The following AFF3 variants were observed in gnomAD, a reference collection of about 807,000 sequenced individuals.
The protein encoded by AFF3 is ALF transcription elongation factor 3, also known as AF4/FMR2 family member 3.
Under a neutral mutation model 129.7 loss-of-function variants are expected in AFF3, and 32 were observed. That is an observed-to-expected ratio of 0.25 (90% confidence interval 0.19 to 0.33). The LOEUF is 0.33. AFF3 is among the 10% of genes least tolerant of loss of function. AFF3 has a pLI of 1.00. For missense variants in AFF3, 1,373 were observed against 1,592.0 expected (o/e 0.86, Z 2.34); for synonymous variants, 644 against 635.4 (o/e 1.01, Z -0.20).
intron 12 of AFF3, among the ~76,000 whole-genome samples, chr2:99,664,969 T>C (rs1284331040): frequency 2.0e-5 from 3 of 152,020 alleles, no homozygotes; most frequent in African/African-American, 7.3e-5. Flanking sequence ...CCTGAGGAAG[T>C]GAAAGTTATG....
In AFF3 at chr2:100,070,199, T is replaced by C. The variant is rs960080951; in HGVS notation, c.53+34203A>G. Among the ~76,000 whole-genome samples, 76 of 121,316 alleles carry C rather than the reference T, an allele frequency of 6.3e-4. 1 individual carries two copies. Among genetic ancestry groups the C allele is most frequent in the East Asian group, 2.8e-3 (13 of 4,678 alleles). 79.6% of individuals were successfully genotyped at this position (121,316 alleles called of 152,430 possible). Reference sequence around the variant, plus strand: ...TGCAAGTTATTAGACTGTTTCTGTTTGGGTGGTTTTATAAAAAAAAAAACT... The same window carrying C: ...TGCAAGTTATTAGACTGTTTCTGTTCGGGTGGTTTTATAAAAAAAAAAACT... On this transcript the variant is annotated intron_variant, in intron 4 of 24. Coordinates refer to ENST00000672756, the MANE Select transcript of AFF3 (RefSeq NM_001386135.1).
At chr2:99,700,426 C>T (rs1386630640) in intron 11 of AFF3, among the ~76,000 whole-genome samples, 2 of 152,212 alleles carry the variant, frequency 1.3e-5, no homozygotes, top group Admixed American at 6.5e-5. Flanking sequence ...GCCAAAGCCT[C>T]TGTTTTATTG....
intron 7 of AFF3, among the ~76,000 whole-genome samples, chr2:99,837,759 C>T (rs750772742): frequency 6.6e-6 from 1 of 152,066 alleles, no homozygotes; most frequent in Non-Finnish European, 1.5e-5. Context: ...AGAGGCTCAA[C>T]TGTGGCCCCT....
chr2:100,038,648 A>G (rs1685172573), intron 4 of AFF3, among the ~76,000 whole-genome samples: 1 of 152,156 alleles, frequency 6.6e-6, no homozygotes, highest in African/African-American at 2.4e-5. Context: ...AGTCTGCCAC[A>G]TAACGAAGCA....
intron 8 of AFF3, among the ~76,000 whole-genome samples, chr2:99,787,326 G>T (rs1575982725): frequency 6.6e-6 from 1 of 152,070 alleles, no homozygotes; most frequent in South Asian, 2.1e-4. Context: ...AAGCAGAAAT[G>T]GTCAAGGTGC....
intron 4 of AFF3, among the ~76,000 whole-genome samples, chr2:100,093,163 G>C (rs1197034626): frequency 1.3e-5 from 2 of 151,488 alleles, no homozygotes; most frequent in African/African-American, 2.4e-5. Context: ...CTGGAGTGCA[G>C]TGGTGCAATC....
At chr2:99,833,162 G>A (rs1434594199) in intron 8 of AFF3, among the ~76,000 whole-genome samples, 1 of 152,160 alleles carries the variant, frequency 6.6e-6, no homozygotes, top group East Asian at 1.9e-4. Context: ...CATGTGAGGG[G>A]CTATCATGAT....
intron 11 of AFF3, among the ~76,000 whole-genome samples, chr2:99,722,292 C>T (rs746168034): frequency 1.9e-4 from 29 of 152,168 alleles, no homozygotes; most frequent in Non-Finnish European, 3.5e-4. Flanking sequence ...TTTTCCCACT[C>T]ATATGTCTTT....
At chr2:99,797,268 G>A (rs1329766366) in intron 8 of AFF3, among the ~76,000 whole-genome samples, 1 of 152,098 alleles carries the variant, frequency 6.6e-6, no homozygotes, top group Non-Finnish European at 1.5e-5. Context: ...CCCAAACTGA[G>A]TTTTCATCTA....
chr2:100,116,106 A>G (rs900854678), intron 2 of AFF3, among the ~76,000 whole-genome samples: 10 of 152,128 alleles, frequency 6.6e-5, no homozygotes, highest in Admixed American at 5.9e-4. Flanking sequence ...CCTAATCTCT[A>G]ATGATGATTT....
At chr2:99,979,921 G>T (rs1366330881) in intron 7 of AFF3, among the ~76,000 whole-genome samples, 1 of 151,966 alleles carries the variant, frequency 6.6e-6, no homozygotes, top group African/African-American at 2.4e-5. Context: ...TAAAGTACAG[G>T]CAATGTAGAT....
chr2:100,139,426 A>T (rs1692773012), intron 1 of AFF3, among the ~76,000 whole-genome samples: 2 of 152,332 alleles, frequency 1.3e-5, no homozygotes, highest in South Asian at 4.1e-4. Flanking sequence ...TTTTCCATAA[A>T]GAAAAATCTG....
rs942606460 is a variant in AFF3 at position 99,551,038 on chromosome 2, C to T, written c.*436G>A. 3 of 408,150 alleles carry T rather than the reference C, an allele frequency of 7.4e-6. No individual in the cohort carries two copies. Among genetic ancestry groups the T allele is most frequent in the Non-Finnish European group, 8.7e-6 (2 of 230,696 alleles). The allele number at this position is 408,150 out of a possible 1,614,324, so 25.3% of individuals were successfully genotyped here. A position where few individuals can be genotyped will look rare whatever the true frequency, so the allele number is the denominator to read the frequency against. ...CACTGGCAGTCAAGCTTTTGGTGTG[C>T]TGTATTGCACCTGGTTAACTAACCC... On this transcript the variant is annotated 3_prime_UTR_variant, in exon 25 of 25. Coordinates refer to ENST00000672756, the MANE Select transcript of AFF3 (RefSeq NM_001386135.1).
chr2:100,112,779 G>A (rs1691566237), intron 2 of AFF3, among the ~76,000 whole-genome samples: 1 of 151,940 alleles, frequency 6.6e-6, no homozygotes, highest in Non-Finnish European at 1.5e-5. Context: ...GTGAAGGAAG[G>A]GGCTCTGATT....
chr2:99,947,884 C>T (rs760087894), intron 7 of AFF3, among the ~76,000 whole-genome samples: 19 of 152,090 alleles, frequency 1.2e-4, no homozygotes, highest in Non-Finnish European at 2.6e-4. Context: ...TTCTTTTTCT[C>T]AGCGCTGGAA....
At chr2:99,820,408 T>C (rs1409611602) in intron 8 of AFF3, among the ~76,000 whole-genome samples, 5 of 152,150 alleles carry the variant, frequency 3.3e-5, no homozygotes, top group South Asian at 4.2e-4. Flanking sequence ...GGTCCATCTG[T>C]ATAGGGCTTT....
rs769677340 is a variant in AFF3 at position 99,594,323 on chromosome 2, C to A, written c.1372-34G>T. The A allele has an allele frequency of 2.5e-6, 4 of 1,573,138 alleles. No homozygotes were observed. In the South Asian group the frequency reaches 4.7e-5, roughly 19 times the overall value. Reference sequence around the variant, plus strand: ...AGAAAACCGGTGACAAACAAAACATCTTTCATTACAGGCTCACTTAAAAGG... The same window carrying A: ...AGAAAACCGGTGACAAACAAAACATATTTCATTACAGGCTCACTTAAAAGG... On this transcript the variant is annotated intron_variant, in intron 14 of 24. Coordinates refer to ENST00000672756, the MANE Select transcript of AFF3 (RefSeq NM_001386135.1).
intron 18 of AFF3, among the ~76,000 whole-genome samples, chr2:99,575,693 C>T (rs114862012): frequency 1.7e-3 from 259 of 152,180 alleles, no homozygotes; most frequent in African/African-American, 6.0e-3. Context: ...AATTGGAATG[C>T]GACATCTATC....
At position 100,006,942 on chromosome 2, in the gene AFF3, T is replaced by A. The variant is rs148995996; in HGVS notation, c.563A>T (p.Asn188Ile). ...CTGGGTCTGAAGGCCCACCTCCACA[T>A]TGCACACTTGTTTGGCCCGAGGCTG... ...RQQPRAKQVC[N>I]VEVGLQTQER... Residue 188 changes from asparagine (N) to isoleucine (I), a missense_variant, in exon 7 of 25, where the codon AAT (asparagine) becomes ATT (isoleucine). Asn to Ile is a moderately radical substitution (Grantham distance 149). Around this residue, in one of 9 missense-constraint regions of AFF3, gnomAD observed 255 missense variants for 256.0 expected, o/e 1.00. Coordinates refer to ENST00000672756, the MANE Select transcript of AFF3 (RefSeq NM_001386135.1). The A allele has an allele frequency of 3.1e-6, 5 of 1,614,046 alleles. No homozygotes were observed. The highest frequency in any genetic ancestry group is 4.2e-6 in the Non-Finnish European group (5 of 1,180,040).
Sources: allele counts gnomAD v4.1 joint callset (sites outside exome capture counted in the v4.1 genomes callset), GRCh38; gene constraint gnomAD v4.1.1; regional missense constraint gnomAD v4.1.1; transcripts MANE v1.5; gene names NCBI Gene and HGNC (gene_info 2026-07-23, HGNC 2026-07-21).